The following DYNC1I1 variants were observed in gnomAD, a reference collection of about 807,000 sequenced individuals.
The protein encoded by DYNC1I1 is dynein cytoplasmic 1 intermediate chain 1.
In DYNC1I1, 43 loss-of-function variants were observed where a neutral mutation model predicts 86.6. That is an observed-to-expected ratio of 0.50 (90% CI 0.39 to 0.64). The LOEUF is 0.64. DYNC1I1 is among the 30% of genes least tolerant of loss of function. The pLI is 0.00. For synonymous variants in DYNC1I1, 262 were observed against 283.7 expected (o/e 0.92, Z 0.77); for missense variants, 604 against 788.8 (o/e 0.77, Z 2.81).
At chr7:95,775,011 C>T (rs1212255089) in intron 1 of DYNC1I1, among the ~76,000 whole-genome samples, 2 of 152,212 alleles carry the variant, frequency 1.3e-5, no homozygotes, top group Non-Finnish European at 2.9e-5. Context: ...AGATTGATAA[C>T]AGTAGCTAAA....
intron 11 of DYNC1I1, 62 bp from the exon 12 acceptor site, chr7:96,032,605 A>G: frequency 7.9e-7 from 1 of 1,259,274 alleles, no homozygotes; most frequent in Non-Finnish European, 1.2e-6. Context: ...TGTGTTTGAC[A>G]CTCAAATGTA....
chr7:96,001,044 C>T (rs1339919485), intron 10 of DYNC1I1, among the ~76,000 whole-genome samples: 1 of 152,150 alleles, frequency 6.6e-6, no homozygotes, highest in Admixed American at 6.6e-5. Context: ...CAAAAACTAG[C>T]CTCTTACTAG....
chr7:95,919,088 T>C (rs1019848779), intron 6 of DYNC1I1, among the ~76,000 whole-genome samples: 3 of 152,220 alleles, frequency 2.0e-5, no homozygotes, highest in Non-Finnish European at 2.9e-5. Flanking sequence ...GACAACATGC[T>C]GATTGTTTGC....
intron 6 of DYNC1I1, among the ~76,000 whole-genome samples, chr7:95,942,250 G>T (rs1056783814): frequency 2.4e-4 from 36 of 151,718 alleles, no homozygotes; most frequent in African/African-American, 8.5e-4. Context: ...ACACCTCTAC[G>T]CAAATAAACT....
intron 6 of DYNC1I1, among the ~76,000 whole-genome samples, chr7:95,886,007 A>T (rs904188126): frequency 6.6e-6 from 1 of 152,210 alleles, no homozygotes; most frequent in Non-Finnish European, 1.5e-5. Flanking sequence ...TCTGGGTAAC[A>T]CTGTTTAATA....
intron 10 of DYNC1I1, among the ~76,000 whole-genome samples, chr7:96,004,140 G>A (rs565154325): frequency 6.6e-5 from 10 of 152,170 alleles, no homozygotes; most frequent in African/African-American, 1.2e-4. Context: ...TTTACTTCCC[G>A]GGGAAGTTTT....
intron 14 of DYNC1I1, among the ~76,000 whole-genome samples, chr7:96,050,774 T>G (rs182320246): frequency 1.1e-3 from 162 of 152,320 alleles, no homozygotes; most frequent in African/African-American, 3.5e-3. Flanking sequence ...TTTTCTTTGA[T>G]GACTTTGCTG....
intron 1 of DYNC1I1, among the ~76,000 whole-genome samples, chr7:95,793,659 T>C (rs998875653): frequency 1.3e-5 from 2 of 152,228 alleles, no homozygotes; most frequent in African/African-American, 4.8e-5. Flanking sequence ...AATATGCTTA[T>C]TTGAACTCTA....
chr7:95,791,265 A>T (rs184777180), intron 1 of DYNC1I1, among the ~76,000 whole-genome samples: 54 of 152,324 alleles, frequency 3.5e-4, no homozygotes, highest in African/African-American at 1.2e-3. Context: ...GGATGGCTTA[A>T]ATTTGCCTGC....
chr7:95,996,529 G>T (rs370541207), intron 10 of DYNC1I1, among the ~76,000 whole-genome samples: 1 of 152,176 alleles, frequency 6.6e-6, no homozygotes, highest in Non-Finnish European at 1.5e-5. Context: ...TTTGTAGCTG[G>T]CATGGGGCAA....
chr7:95,983,246 A>G (rs962271402), intron 7 of DYNC1I1, among the ~76,000 whole-genome samples: 1 of 152,172 alleles, frequency 6.6e-6, no homozygotes, highest in African/African-American at 2.4e-5. Context: ...GTCCTTGGAA[A>G]GTCTCAGTAC....
At chr7:96,093,732 T>C (rs924985024) in intron 16 of DYNC1I1, among the ~76,000 whole-genome samples, 9 of 152,140 alleles carry the variant, frequency 5.9e-5, no homozygotes, top group African/African-American at 1.9e-4. Flanking sequence ...CAGATCCACA[T>C]TGACTTAGAA....
intron 5 of DYNC1I1, among the ~76,000 whole-genome samples, chr7:95,861,975 A>T (rs1429894834): frequency 1.3e-5 from 2 of 152,216 alleles, no homozygotes; most frequent in African/African-American, 4.8e-5. Flanking sequence ...AAAATTAAGC[A>T]TAGGAAAACT....
intron 6 of DYNC1I1, among the ~76,000 whole-genome samples, chr7:95,880,491 C>T (rs1455478611): frequency 3.3e-5 from 5 of 152,098 alleles, no homozygotes; most frequent in African/African-American, 1.2e-4. Context: ...ACTTTCTTCT[C>T]CTTTGTGCCA....
At chr7:95,801,736 A>C (rs1348154956) in intron 1 of DYNC1I1, among the ~76,000 whole-genome samples, 1 of 152,188 alleles carries the variant, frequency 6.6e-6, no homozygotes. Flanking sequence ...GGTCAAGGGC[A>C]TTTATAACTT....
chr7:96,035,428 C>T (rs907493504), intron 12 of DYNC1I1, among the ~76,000 whole-genome samples, 191 bp from the exon 13 acceptor site: 2 of 152,156 alleles, frequency 1.3e-5, no homozygotes, highest in Non-Finnish European at 1.5e-5. Context: ...GAAATCCAGC[C>T]GGCTTGAAAC....
intron 14 of DYNC1I1, among the ~76,000 whole-genome samples, chr7:96,043,538 TA>T (rs57606644): frequency 1.4e-3 from 194 of 143,246 alleles, no homozygotes; most frequent in Middle Eastern, 3.7e-3. Flanking sequence ...AACAATGTAT[TA>T]AAAAAAAAAA....
chr7:95,798,305 C>T (rs915569529), intron 1 of DYNC1I1, among the ~76,000 whole-genome samples: 4 of 151,834 alleles, frequency 2.6e-5, no homozygotes, highest in Non-Finnish European at 5.9e-5. Flanking sequence ...CACTGGCCAA[C>T]TCCCTCCTGA....
chr7:96,051,997 G>A (rs1353017287), intron 14 of DYNC1I1, among the ~76,000 whole-genome samples: 2 of 152,112 alleles, frequency 1.3e-5, no homozygotes, highest in Non-Finnish European at 2.9e-5. Flanking sequence ...GTATGCAACT[G>A]GGACAGAATT....
Sources: gnomAD v4.1 joint callset for allele counts (sites outside exome capture counted in the v4.1 genomes callset) on GRCh38, gnomAD v4.1.1 for gene constraint, MANE v1.5 for transcripts, NCBI Gene and HGNC (gene_info 2026-07-23, HGNC 2026-07-21) for gene names.